The following TRIM33 variants were observed in gnomAD, a reference collection of about 807,000 sequenced individuals.
TRIM33 encodes the protein tripartite motif containing 33.
Under a neutral mutation model 125.4 loss-of-function variants are expected in TRIM33, and 20 were observed. That is an observed-to-expected ratio of 0.16 (90% CI 0.11 to 0.23). The LOEUF is 0.23. TRIM33 is among the 10% of genes least tolerant of loss of function. The probability of loss-of-function intolerance (pLI) is 1.00; values close to 1 mark genes in which losing one functional copy is unlikely to be tolerated. For synonymous variants in TRIM33, 564 were observed against 513.9 expected (o/e 1.10, Z -1.32); for missense variants, 920 against 1,411.4 (o/e 0.65, Z 5.58).
rs1411936965 is a variant in TRIM33 at position 114,405,571 on chromosome 1, G to A, written c.2607C>T (p.His869=). The change falls in exon 15 of 20, where the codon CAC becomes CAT. Residue 869 remains histidine, a synonymous_variant. Transcript: ENST00000358465. ...NGKSPIRSLM[H]RSARIGGDGN... ...CATCTCCTCCAATCCTTGCCGACCT[G>A]TGCATGAGGCTTCGAATTGGGGACT... The A allele has an allele frequency of 5.6e-6, 9 of 1,614,114 alleles. No homozygotes were observed. Among genetic ancestry groups the A allele is most frequent in the African/African-American group, 5.3e-5 (4 of 74,932 alleles).
At chr1:114,416,712 T>C (rs1380093135) in intron 11 of TRIM33, among the ~76,000 whole-genome samples, 1 of 152,252 alleles carries the variant, frequency 6.6e-6, no homozygotes, top group Non-Finnish European at 1.5e-5. Context: ...TAAACTTAGC[T>C]GTCTTGGCTA....
chr1:114,479,877 C>A (rs1651201924), intron 1 of TRIM33, among the ~76,000 whole-genome samples: 1 of 84,400 alleles, frequency 1.2e-5, no homozygotes, highest in African/African-American at 5.6e-5. Flanking sequence ...GGCGCCTCCA[C>A]CCGGCCGCCG....
At chr1:114,450,557 A>T (rs1649250689) in intron 4 of TRIM33, among the ~76,000 whole-genome samples, 1 of 151,672 alleles carries the variant, frequency 6.6e-6, no homozygotes, top group African/African-American at 2.4e-5. Context: ...ATTTACTAGA[A>T]TTTTTTTGTA....
intron 4 of TRIM33, among the ~76,000 whole-genome samples, chr1:114,453,311 C>A (rs1327449325): frequency 6.6e-6 from 1 of 151,400 alleles, no homozygotes; most frequent in African/African-American, 2.4e-5. Flanking sequence ...TTGCAGTGAG[C>A]CGAGATCATG....
chr1:114,490,679 G>A (rs921937284), intron 1 of TRIM33: 1 of 152,116 alleles, frequency 6.6e-6, no homozygotes, highest in Non-Finnish European at 1.5e-5. Context: ...ATGTGGTATA[G>A]CCATAAAAGA....
intron 4 of TRIM33, among the ~76,000 whole-genome samples, chr1:114,437,973 G>C (rs1648410624): frequency 6.6e-6 from 1 of 152,166 alleles, no homozygotes; most frequent in Non-Finnish European, 1.5e-5. Context: ...GCCCACACCT[G>C]TAAGTCCCAG....
chr1:114,400,226 G>A (rs756413038), intron 17 of TRIM33, among the ~76,000 whole-genome samples: 1 of 152,206 alleles, frequency 6.6e-6, no homozygotes, highest in African/African-American at 2.4e-5. Flanking sequence ...TTTTGAGATG[G>A]AGTCTTGCTC....
chr1:114,477,941 A>G (rs768334118), intron 1 of TRIM33, among the ~76,000 whole-genome samples: 1 of 152,222 alleles, frequency 6.6e-6, no homozygotes, highest in Non-Finnish European at 1.5e-5. Context: ...ATAAGTTTAC[A>G]ACAAAATGAA....
rs562133360 is a variant in TRIM33, at chr1:114,399,499, G to A, written c.3078C>T (p.Ala1026=). The A allele has an allele frequency of 3.0e-5, 48 of 1,613,370 alleles. No individual in the cohort carries two copies. The highest frequency in any genetic ancestry group is 3.7e-5 in the Non-Finnish European group (44 of 1,179,684). ...AGTTCTTGAAGATCAAACGGACATC[G>A]GCCACAAAGTCATCCGGGATTTGGT... ...QHYQIPDDFV[A]DVRLIFKNCE... The change falls in exon 18 of 20, where the codon GCC becomes GCT. Residue 1026 remains alanine (A), a synonymous_variant. Coordinates refer to ENST00000358465, the MANE Select transcript of TRIM33 (RefSeq NM_015906.4).
chr1:114,442,700 A>G (rs937907607), intron 4 of TRIM33, among the ~76,000 whole-genome samples: 4 of 148,364 alleles, frequency 2.7e-5, no homozygotes, highest in African/African-American at 7.6e-5. Context: ...AAAAAAAAAA[A>G]AAAAGAAAAA....
intron 4 of TRIM33, among the ~76,000 whole-genome samples, chr1:114,462,024 G>T (rs1428726067): frequency 1.3e-5 from 2 of 152,156 alleles, no homozygotes; most frequent in African/African-American, 2.4e-5. Flanking sequence ...GAGCATATGG[G>T]TTAAGAAGAG....
intron 1 of TRIM33, among the ~76,000 whole-genome samples, chr1:114,504,565 A>G (rs553315446): frequency 7.9e-5 from 12 of 152,298 alleles, no homozygotes; most frequent in African/African-American, 2.6e-4. Context: ...AAATAGTTTT[A>G]AACTTGTGCA....
At chr1:114,401,043 CT>C (rs1294014055) in intron 17 of TRIM33, among the ~76,000 whole-genome samples, 33 of 117,640 alleles carry the variant, frequency 2.8e-4, no homozygotes, top group Admixed American at 8.5e-4. Context: ...TTTTTTTTTT[CT>C]TTTTTTTTTT....
chr1:114,401,059 C>G (rs555342428), intron 17 of TRIM33, among the ~76,000 whole-genome samples: 1 of 141,892 alleles, frequency 7.0e-6, no homozygotes, highest in Non-Finnish European at 1.5e-5. Context: ...TTTTTTGAGA[C>G]GGAGTCTCGC....
In TRIM33 at chr1:114,394,032, G is replaced by A. The variant is rs955112423; in HGVS notation, c.*3616C>T. On this transcript the variant is annotated 3_prime_UTR_variant, in exon 20 of 20. Transcript: ENST00000358465. ...AAAAAAAATTAAATATCCAGGTCCGGTACATGATCAAACTGTATTACACCT... is the reference window on the plus strand; with the variant it reads ...AAAAAAAATTAAATATCCAGGTCCGATACATGATCAAACTGTATTACACCT... 5.3e-5 allele frequency: 12 copies of A among 226,342 alleles called. No individual in the cohort carries two copies. Among genetic ancestry groups the A allele is most frequent in the Non-Finnish European group, 9.7e-5 (11 of 113,606 alleles). 14.0% of individuals were successfully genotyped at this position (226,342 alleles called of 1,614,324 possible).
chr1:114,426,822 AT>A (rs1647620472), intron 8 of TRIM33, among the ~76,000 whole-genome samples: 1 of 152,218 alleles, frequency 6.6e-6, no homozygotes, highest in South Asian at 2.1e-4. Context: ...CTAATGCACA[AT>A]TTGGCTTAAT....
chr1:114,416,709 A>G (rs1359383004), intron 11 of TRIM33, among the ~76,000 whole-genome samples: 1 of 152,258 alleles, frequency 6.6e-6, no homozygotes, highest in African/African-American at 2.4e-5. Flanking sequence ...TCTTAAACTT[A>G]GCTGTCTTGG....
chr1:114,485,703 G>A (rs1651640365), intron 1 of TRIM33, among the ~76,000 whole-genome samples: 1 of 152,222 alleles, frequency 6.6e-6, no homozygotes. Context: ...GGTGGTGTCA[G>A]GAGGCCCAAG....
intron 4 of TRIM33, among the ~76,000 whole-genome samples, chr1:114,447,394 A>C (rs559739591): frequency 1.1e-4 from 16 of 150,040 alleles, no homozygotes; most frequent in Non-Finnish European, 2.4e-4. Context: ...TATGCAACTG[A>C]AAAAAAAAAT....
Sources: gnomAD v4.1 joint callset for allele counts (sites outside exome capture counted in the v4.1 genomes callset) on GRCh38, gnomAD v4.1.1 for gene constraint, MANE v1.5 for transcripts, NCBI Gene and HGNC (gene_info 2026-07-23, HGNC 2026-07-21) for gene names.